The following COG6 variants were observed in gnomAD, a reference collection of about 807,000 sequenced individuals.
COG6 encodes the protein conserved oligomeric Golgi complex subunit 6.
A neutral mutation model predicts 88.8 loss-of-function variants in COG6; 74 were observed. That is an observed-to-expected ratio of 0.83 (90% CI 0.69 to 1.01). COG6 has a LOEUF of 1.01. Among genes scored for constraint, COG6 ranks in the 50% least tolerant of loss-of-function variants. COG6 has a pLI of 0.00. For missense variants in COG6, 800 were observed against 797.9 expected (o/e 1.00, Z -0.03); for synonymous variants, 286 against 278.7 (o/e 1.03, Z -0.26).
At chr13:39,783,910 C>A (rs1309714941) in intron 18 of COG6, among the ~76,000 whole-genome samples, 1 of 152,112 alleles carries the variant, frequency 6.6e-6, no homozygotes, top group African/African-American at 2.4e-5. Flanking sequence ...AAACATATAA[C>A]CTGAAGGCAA....
chr13:39,726,077 G>A (rs539399696), intron 17 of COG6, among the ~76,000 whole-genome samples: 218 of 151,914 alleles, frequency 1.4e-3, no homozygotes, highest in African/African-American at 4.7e-3. Context: ...GATGTCTCTG[G>A]AGAAACAAAT....
At chr13:39,685,971 AG>A (rs1184477761) in intron 8 of COG6, among the ~76,000 whole-genome samples, 9 of 152,190 alleles carry the variant, frequency 5.9e-5, no homozygotes, top group Admixed American at 5.9e-4. Context: ...TCCTCAAAAA[AG>A]GTTCATATTC....
Position 39,751,107 on chromosome 13 carries a change from TTG to T in COG6, c.*18_*19del. The T allele has an allele frequency of 6.2e-7, 1 of 1,613,250 alleles. No homozygotes were observed. The highest frequency in any genetic ancestry group is 8.5e-7 in the Non-Finnish European group (1 of 1,179,498). On this transcript the variant is annotated 3_prime_UTR_variant, in exon 19 of 19. Coordinates refer to ENST00000455146, the MANE Select transcript of COG6 (RefSeq NM_020751.3). ...CTTCTTTCCTGATTATCTTATTTCATTGTGTTAGCAAAATATGACCTCCCTAA... is the reference window on the plus strand; with the variant it reads ...CTTCTTTCCTGATTATCTTATTTCATTGTTAGCAAAATATGACCTCCCTAA...
At chr13:39,740,721 C>T (rs1045728700) in intron 18 of COG6, among the ~76,000 whole-genome samples, 4 of 152,142 alleles carry the variant, frequency 2.6e-5, no homozygotes, top group African/African-American at 9.7e-5. Context: ...CATTTATAGA[C>T]ACATAGCTGA....
chr13:39,785,469 A>G (rs1881744430), intron 18 of COG6: 1 of 152,160 alleles, frequency 6.6e-6, no homozygotes, highest in Admixed American at 6.5e-5. Context: ...TGGTGACACT[A>G]ATGTTAATAA....
intron 18 of COG6, among the ~76,000 whole-genome samples, chr13:39,762,481 A>C (rs1400496091): frequency 6.6e-6 from 1 of 151,852 alleles, no homozygotes; most frequent in Non-Finnish European, 1.5e-5. Flanking sequence ...AATTAACAAC[A>C]ATCTATTGTA....
chr13:39,694,492 C>G (rs1164569463), intron 11 of COG6, 142 bp from the exon 12 acceptor site: 3 of 550,848 alleles, frequency 5.4e-6, no homozygotes, highest in Non-Finnish European at 1.0e-5. Context: ...TGACTTACTA[C>G]TCAGAAATTA....
chr13:39,693,324 CT>C, intron 11 of COG6, among the ~76,000 whole-genome samples: 1 of 151,738 alleles, frequency 6.6e-6, no homozygotes, highest in South Asian at 2.1e-4. Flanking sequence ...TCTCTCCCCT[CT>C]TTTCTCTCTT....
chr13:39,685,126 T>C (rs543482796), intron 8 of COG6, among the ~76,000 whole-genome samples: 3 of 152,292 alleles, frequency 2.0e-5, no homozygotes, highest in African/African-American at 7.2e-5. Context: ...CTTCTTTTAA[T>C]TTGCTTTTTG....
intron 4 of COG6, among the ~76,000 whole-genome samples, chr13:39,667,327 C>G (rs1264421258): frequency 6.6e-6 from 1 of 152,186 alleles, no homozygotes; most frequent in Non-Finnish European, 1.5e-5. Flanking sequence ...ACTACCTTCT[C>G]TTTCACTAAA....
intron 17 of COG6, among the ~76,000 whole-genome samples, chr13:39,725,261 T>C (rs1384003189): frequency 6.6e-6 from 1 of 151,816 alleles, no homozygotes; most frequent in Non-Finnish European, 1.5e-5. Context: ...CCATTAACAT[T>C]AGCATAGCAA....
At chr13:39,678,582 C>T (rs536279986) in intron 5 of COG6, among the ~76,000 whole-genome samples, 100 of 151,202 alleles carry the variant, frequency 6.6e-4, no homozygotes, top group Admixed American at 1.4e-3. Context: ...TTTTTTTTTC[C>T]TTGAAGACAT....
chr13:39,783,863 GCATTTT>G (rs1458073227), intron 18 of COG6, among the ~76,000 whole-genome samples: 1 of 152,158 alleles, frequency 6.6e-6, no homozygotes, highest in Non-Finnish European at 1.5e-5. Context: ...TTTACCGAGG[GCATTTT>G]CCATTCCTCT....
At chr13:39,745,151 T>C (rs555966000) in intron 18 of COG6, among the ~76,000 whole-genome samples, 6 of 152,280 alleles carry the variant, frequency 3.9e-5, no homozygotes, top group African/African-American at 1.4e-4. Context: ...GAAGAAAACT[T>C]AGCCAATACC....
chr13:39,664,793 T>C (rs762038704), intron 3 of COG6, among the ~76,000 whole-genome samples: 5 of 152,228 alleles, frequency 3.3e-5, no homozygotes, highest in Admixed American at 6.5e-5. Context: ...TCTTCATTCT[T>C]AACTTGTTTT....
chr13:39,791,456 T>C (rs375146341), exon 19 of COG6: 28 of 152,184 alleles, frequency 1.8e-4, no homozygotes, highest in East Asian at 1.2e-3. Flanking sequence ...GCATCAGTAT[T>C]AATAAATGAC....
At chr13:39,791,180 A>G (rs1366850515) in exon 19 of COG6, 2 of 152,072 alleles carry the variant, frequency 1.3e-5, no homozygotes, top group African/African-American at 4.8e-5. Context: ...TTCTATATGT[A>G]TATCTAGATA....
At chr13:39,757,504 T>A (rs1880876670), downstream of COG6, among the ~76,000 whole-genome samples, 1 of 151,780 alleles carries the variant, frequency 6.6e-6, no homozygotes, top group East Asian at 1.9e-4. Context: ...TATAGAAGAT[T>A]AATAAAACCA....
At chr13:39,657,134 C>T (rs1326664829) in intron 1 of COG6, among the ~76,000 whole-genome samples, 1 of 152,148 alleles carries the variant, frequency 6.6e-6, no homozygotes, top group African/African-American at 2.4e-5. Flanking sequence ...CGGGTTCAAG[C>T]GATTCTCCTG....
Sources: allele counts gnomAD v4.1 joint callset (sites outside exome capture counted in the v4.1 genomes callset), GRCh38; gene constraint gnomAD v4.1.1; transcripts MANE v1.5; gene names NCBI Gene and HGNC (gene_info 2026-07-23, HGNC 2026-07-21).